DCT: variants seen among roughly 807,000 people sequenced by gnomAD.
DCT encodes the protein dopachrome tautomerase.
DCT carries 47 observed loss-of-function variants against 53.0 expected under a neutral mutation model. The ratio of observed to expected loss-of-function variants is 0.89; its 90% CI spans 0.70 to 1.13. The LOEUF (loss-of-function observed/expected upper bound fraction) is 1.13. Among genes scored for constraint, DCT ranks in the 50% most tolerant of loss-of-function variants. DCT has a pLI of 0.00. For synonymous variants in DCT, 244 were observed against 237.0 expected (o/e 1.03, Z -0.27); for missense variants, 669 against 637.4 (o/e 1.05, Z -0.53).
the DCT span, among the ~76,000 whole-genome samples, chr13:94,526,365 C>T: frequency 7.9e-4 from 121 of 152,272 alleles, 6 homozygotes; most frequent in East Asian, 0.022. Flanking sequence ...TTGAGTAACA[C>T]GGATATTCCG....
the DCT span, among the ~76,000 whole-genome samples, chr13:94,498,451 C>T: frequency 1.3e-5 from 2 of 152,192 alleles, no homozygotes; most frequent in African/African-American, 4.8e-5. Flanking sequence ...GATAAGGTCA[C>T]AAGGGTGGAG....
At chr13:94,510,313 C>A in the DCT span, among the ~76,000 whole-genome samples, 2 of 152,244 alleles carry the variant, frequency 1.3e-5, no homozygotes, top group African/African-American at 2.4e-5. Context: ...CACCCTCCTA[C>A]CACCAAGTGA....
At chr13:94,492,105 C>T in the DCT span, among the ~76,000 whole-genome samples, 1 of 152,174 alleles carries the variant, frequency 6.6e-6, no homozygotes, top group Admixed American at 6.5e-5. Flanking sequence ...TCTCCCCTCA[C>T]CTTTGTCTCA....
At chr13:94,542,364 T>A in the DCT span, among the ~76,000 whole-genome samples, 1 of 152,240 alleles carries the variant, frequency 6.6e-6, no homozygotes, top group Admixed American at 6.5e-5. Flanking sequence ...AATTTTTGTA[T>A]TTTTTTAGTC....
intron 1 of DCT, among the ~76,000 whole-genome samples, chr13:94,474,406 A>G (rs193119788): frequency 6.6e-6 from 1 of 152,316 alleles, no homozygotes; most frequent in East Asian, 1.9e-4. Context: ...TTTTAATTAG[A>G]GATTCTATTA....
chr13:94,472,374 A>T (rs1884700521), intron 1 of DCT, among the ~76,000 whole-genome samples: 1 of 151,534 alleles, frequency 6.6e-6, no homozygotes, highest in Non-Finnish European at 1.5e-5. Context: ...TGAACCTAAA[A>T]CTGCTCTAAA....
chr13:94,440,563 C>T (rs1048668828), intron 7 of DCT, among the ~76,000 whole-genome samples: 1 of 151,754 alleles, frequency 6.6e-6, no homozygotes, highest in Non-Finnish European at 1.5e-5. Context: ...GATATTTATA[C>T]CCATTCAAAT....
chr13:94,463,574 G>A (rs12857519), intron 4 of DCT, among the ~76,000 whole-genome samples: 11,390 of 152,028 alleles, frequency 0.075, 566 homozygotes, highest in African/African-American at 0.14. Flanking sequence ...ACAGGCGTGA[G>A]CCACCGTGCC....
chr13:94,545,921 A>AT, the DCT span, among the ~76,000 whole-genome samples: 55 of 151,782 alleles, frequency 3.6e-4, no homozygotes, highest in African/African-American at 1.1e-3. Flanking sequence ...AATGACACAG[A>AT]TTTTCTCCTT....
Position 94,460,242 on chromosome 13 carries a change from A to G in DCT, c.1044-16T>C, listed in dbSNP as rs144105610. 3.7e-6 allele frequency: 6 copies of G among 1,611,468 alleles called. No individual in the cohort carries two copies. The highest frequency in any genetic ancestry group is 1.7e-4 in the Middle Eastern group (1 of 6,058). The stretch of plus-strand genomic sequence containing the variant: ...CAAAGCATTCCTAGGAGAAACAAGT[A>G]TATCAGTGACAACAGACAAAGACTG... On this transcript the variant is annotated splice_polypyrimidine_tract_variant and intron_variant, in intron 5 of 7. Transcript: ENST00000377028.
chr13:94,503,660 A>G, the DCT span, among the ~76,000 whole-genome samples: 2 of 152,226 alleles, frequency 1.3e-5, no homozygotes, highest in Non-Finnish European at 2.9e-5. Flanking sequence ...TGGAGCCACC[A>G]GAAGCTGGAA....
In DCT at chr13:94,436,889, A is replaced by G. The variant is rs1409757792; in HGVS notation, c.*3009T>C. On this transcript the variant is annotated 3_prime_UTR_variant, in exon 8 of 8. Coordinates refer to ENST00000377028, the MANE Select transcript of DCT (RefSeq NM_001922.5). ...ATACTCAGGATAAGTAAGGCACTAT[A>G]GAAATAGGAAGAGCTTCAACCTTAG... is the stretch of plus-strand genomic sequence containing the variant. 6.6e-6 allele frequency: 1 copy of G among 152,222 alleles called. No homozygotes were observed. The highest frequency in any genetic ancestry group is 1.5e-5 in the Non-Finnish European group (1 of 68,030). 9.4% of individuals were successfully genotyped at this position (152,222 alleles called of 1,614,324 possible).
chr13:94,524,196 A>G, the DCT span, among the ~76,000 whole-genome samples: 2 of 152,202 alleles, frequency 1.3e-5, no homozygotes, highest in East Asian at 1.9e-4. Flanking sequence ...AGGTAGCTCC[A>G]CTTCTCTCAG....
chr13:94,524,137 C>T, the DCT span, among the ~76,000 whole-genome samples: 107 of 152,210 alleles, frequency 7.0e-4, no homozygotes, highest in African/African-American at 2.4e-3. Flanking sequence ...CAACTCAAGC[C>T]GAGCTATGAC....
the DCT span, among the ~76,000 whole-genome samples, chr13:94,505,028 A>G: frequency 0.38 from 57,514 of 151,622 alleles, 11,383 homozygotes; most frequent in East Asian, 0.61. Context: ...TCAGCAACAG[A>G]GTGGATGCTC....
At chr13:94,440,583 T>TA (rs1882219204) in intron 7 of DCT, among the ~76,000 whole-genome samples, 1 of 150,930 alleles carries the variant, frequency 6.6e-6, no homozygotes, top group Non-Finnish European at 1.5e-5. Context: ...TAGTTGTGAA[T>TA]AAAATGTAAA....
the DCT span, among the ~76,000 whole-genome samples, chr13:94,517,125 TGAG>T: frequency 6.6e-6 from 1 of 152,232 alleles, no homozygotes; most frequent in African/African-American, 2.4e-5. Flanking sequence ...AGTAAGGGAT[TGAG>T]GAGAATTATA....
the DCT span, among the ~76,000 whole-genome samples, chr13:94,538,921 T>G: frequency 2.6e-5 from 4 of 152,308 alleles, no homozygotes; most frequent in Admixed American, 1.3e-4. Flanking sequence ...CCTTTTCCTT[T>G]TGTTCTAAGA....
At chr13:94,498,484 C>T in the DCT span, among the ~76,000 whole-genome samples, 13 of 152,146 alleles carry the variant, frequency 8.5e-5, no homozygotes, top group African/African-American at 2.9e-4. Flanking sequence ...GGGTTAGTGC[C>T]CTAATAAGAA....
Sources: allele counts gnomAD v4.1 joint callset (sites outside exome capture counted in the v4.1 genomes callset), GRCh38; gene constraint gnomAD v4.1.1; transcripts MANE v1.5; gene names NCBI Gene and HGNC (gene_info 2026-07-23, HGNC 2026-07-21).